The following PTPRM variants were observed in gnomAD, a reference collection of about 807,000 sequenced individuals.
PTPRM encodes the protein receptor-type tyrosine-protein phosphatase mu.
PTPRM carries 47 observed loss-of-function variants against 186.7 expected under a neutral mutation model. The ratio of observed to expected loss-of-function variants is 0.25; its 90% CI spans 0.20 to 0.32. The LOEUF is 0.32. PTPRM is among the 10% of genes least tolerant of loss of function. The pLI is 1.00. For synonymous variants in PTPRM, 668 were observed against 674.9 expected, an observed-to-expected ratio of 0.99 and a Z score of 0.16; for missense variants, 1,494 against 1,865.0, an observed-to-expected ratio of 0.80 and a Z score of 3.66.
At chr18:8,274,607 A>G (rs747420726) in intron 19 of PTPRM, among the ~76,000 whole-genome samples, 2 of 152,194 alleles carry the variant, frequency 1.3e-5, no homozygotes, top group Admixed American at 6.5e-5. Flanking sequence ...ATTTTTCAGA[A>G]TGACATCCAC....
chr18:7,940,142 G>A (rs904796519), intron 5 of PTPRM, among the ~76,000 whole-genome samples: 2 of 152,130 alleles, frequency 1.3e-5, no homozygotes, highest in African/African-American at 4.8e-5. Context: ...CCTAGGGAAT[G>A]GAATCTGGGG....
chr18:8,194,937 A>C (rs1006054016), intron 14 of PTPRM, among the ~76,000 whole-genome samples: 8 of 152,062 alleles, frequency 5.3e-5, no homozygotes, highest in Admixed American at 1.3e-4. Flanking sequence ...GTTTCTTCTC[A>C]GGAATCAAAG....
At chr18:7,630,759 C>T (rs962407591) in intron 1 of PTPRM, among the ~76,000 whole-genome samples, 1 of 152,174 alleles carries the variant, frequency 6.6e-6, no homozygotes, top group African/African-American at 2.4e-5. Flanking sequence ...GTCTCTTATA[C>T]AAGTGAGCCC....
chr18:7,757,334 C>T (rs539727214), intron 1 of PTPRM, among the ~76,000 whole-genome samples: 2 of 152,326 alleles, frequency 1.3e-5, no homozygotes, highest in South Asian at 4.1e-4. Flanking sequence ...AGAGTGCCCT[C>T]GGATGAATCA....
intron 7 of PTPRM, among the ~76,000 whole-genome samples, chr18:7,996,424 C>G (rs1331560164): frequency 6.6e-6 from 1 of 152,078 alleles, no homozygotes; most frequent in Non-Finnish European, 1.5e-5. Flanking sequence ...ATATGACATA[C>G]AGCTAACATC....
At chr18:7,970,544 G>A (rs1202925014) in intron 7 of PTPRM, among the ~76,000 whole-genome samples, 1 of 18,652 alleles carries the variant, frequency 5.4e-5, no homozygotes, top group African/African-American at 2.9e-4. Context: ...CGACATGATT[G>A]TTTATCTAGA....
At chr18:8,291,354 A>G (rs920998034) in intron 19 of PTPRM, among the ~76,000 whole-genome samples, 2 of 152,222 alleles carry the variant, frequency 1.3e-5, no homozygotes, top group African/African-American at 4.8e-5. Flanking sequence ...AGAGACCAGA[A>G]GCCAGTCGTT....
At chr18:7,652,057 GAA>G (rs71201194) in intron 1 of PTPRM, among the ~76,000 whole-genome samples, 1 of 152,022 alleles carries the variant, frequency 6.6e-6, no homozygotes, top group Non-Finnish European at 1.5e-5. Flanking sequence ...AATTTACAAG[GAA>G]AAAACAAACA....
chr18:8,282,924 A>G (rs2094919038), intron 19 of PTPRM, among the ~76,000 whole-genome samples: 1 of 152,326 alleles, frequency 6.6e-6, no homozygotes, highest in Middle Eastern at 3.4e-3. Context: ...AACTAATGAT[A>G]TAGACAACAA....
At chr18:7,632,082 G>A (rs1416638182) in intron 1 of PTPRM, among the ~76,000 whole-genome samples, 1 of 152,200 alleles carries the variant, frequency 6.6e-6, no homozygotes, top group Non-Finnish European at 1.5e-5. Context: ...GCCTAAGTAG[G>A]AAGCCAAGTT....
chr18:8,157,268 C>T (rs1361054352), intron 14 of PTPRM, among the ~76,000 whole-genome samples: 1 of 152,148 alleles, frequency 6.6e-6, no homozygotes, highest in East Asian at 1.9e-4. Context: ...AAAGTGCTGG[C>T]CCCAGTAAAT....
chr18:8,203,492 T>G (rs773989264), intron 14 of PTPRM, among the ~76,000 whole-genome samples: 2 of 152,210 alleles, frequency 1.3e-5, no homozygotes, highest in African/African-American at 2.4e-5. Context: ...TCCTTGATTC[T>G]TGAGCAAAAT....
intron 23 of PTPRM, among the ~76,000 whole-genome samples, chr18:8,362,912 T>C (rs190364201): frequency 1.3e-5 from 2 of 152,334 alleles, no homozygotes; most frequent in Non-Finnish European, 2.9e-5. Context: ...ACCCAGACAG[T>C]GCGGCTCCAG....
chr18:7,994,339 C>A (rs1029115261), intron 7 of PTPRM, among the ~76,000 whole-genome samples: 1 of 151,666 alleles, frequency 6.6e-6, no homozygotes, highest in Non-Finnish European at 1.5e-5. Flanking sequence ...ATATCATTAG[C>A]GCTAATGGAA....
chr18:8,363,956 A>G (rs2095612387), intron 23 of PTPRM, among the ~76,000 whole-genome samples: 1 of 152,210 alleles, frequency 6.6e-6, no homozygotes, highest in African/African-American at 2.4e-5. Flanking sequence ...ACATTAACGA[A>G]TAGATGCAAT....
intron 19 of PTPRM, among the ~76,000 whole-genome samples, chr18:8,290,446 G>A (rs547043271): frequency 6.6e-6 from 1 of 151,902 alleles, no homozygotes; most frequent in East Asian, 1.9e-4. Context: ...TTAACAGACT[G>A]CATCGTTTTG....
At chr18:7,698,415 G>A (rs970876015) in intron 1 of PTPRM, among the ~76,000 whole-genome samples, 26 of 152,068 alleles carry the variant, frequency 1.7e-4, no homozygotes, top group African/African-American at 5.8e-4. Context: ...GTTCAATTTA[G>A]TAAACCTCTC....
intron 7 of PTPRM, among the ~76,000 whole-genome samples, chr18:7,982,544 G>A (rs981723696): frequency 2.0e-5 from 3 of 150,916 alleles, no homozygotes; most frequent in Non-Finnish European, 4.4e-5. Context: ...AGTATAAGTA[G>A]AATGCTGTAA....
intron 14 of PTPRM, among the ~76,000 whole-genome samples, chr18:8,160,807 A>AG: frequency 6.6e-6 from 1 of 152,160 alleles, no homozygotes; most frequent in Non-Finnish European, 1.5e-5. Flanking sequence ...TATTCCTCCA[A>AG]GGGTGTTTGA....
Sources: allele counts gnomAD v4.1 joint callset (sites outside exome capture counted in the v4.1 genomes callset), GRCh38; gene constraint gnomAD v4.1.1; transcripts MANE v1.5; gene names NCBI Gene and HGNC (gene_info 2026-07-23, HGNC 2026-07-21).